Variants in PLXDC2 observed in about 807,000 individuals in gnomAD.
PLXDC2 encodes plexin domain containing 2, also known as plexin domain-containing protein 2.
In PLXDC2, 40 loss-of-function variants were observed where a neutral mutation model predicts 68.9. The ratio of observed to expected loss-of-function variants is 0.58; its 90% CI spans 0.45 to 0.76. The LOEUF (loss-of-function observed/expected upper bound fraction) is 0.76. Ranked by LOEUF, PLXDC2 falls within the 30% of genes least tolerant of loss-of-function variation. PLXDC2 has a pLI of 0.00. For missense variants in PLXDC2, 644 were observed against 661.9 expected, an observed-to-expected ratio of 0.97 and a Z score of 0.30; for synonymous variants, 243 against 234.2, an observed-to-expected ratio of 1.04 and a Z score of -0.34.
chr10:20,030,180 C>G (rs1392695491), intron 2 of PLXDC2, among the ~76,000 whole-genome samples: 3 of 142,174 alleles, frequency 2.1e-5, no homozygotes, highest in African/African-American at 7.7e-5. Flanking sequence ...CCAGACAGCT[C>G]AACGGCTCAG....
intron 4 of PLXDC2, among the ~76,000 whole-genome samples, chr10:20,140,478 A>G (rs1394089288): frequency 6.6e-6 from 1 of 150,606 alleles, no homozygotes; most frequent in African/African-American, 2.5e-5. Context: ...AGAACAGCCA[A>G]AGAAAAGAAG....
At chr10:20,062,760 G>C (rs180977730) in intron 3 of PLXDC2, among the ~76,000 whole-genome samples, 32 of 152,086 alleles carry the variant, frequency 2.1e-4, no homozygotes, top group African/African-American at 7.2e-4. Flanking sequence ...ATGTATCTTG[G>C]AAGAAAATAT....
intron 13 of PLXDC2, among the ~76,000 whole-genome samples, chr10:20,263,557 A>G (rs189941723): frequency 2.1e-4 from 32 of 152,352 alleles, no homozygotes; most frequent in Admixed American, 1.3e-3. Flanking sequence ...AACTGTCAAC[A>G]AAGTAAACAG....
intron 9 of PLXDC2, among the ~76,000 whole-genome samples, chr10:20,187,436 A>G (rs1168575833): frequency 6.6e-6 from 1 of 151,856 alleles, no homozygotes; most frequent in African/African-American, 2.4e-5. Context: ...GATCAAATCA[A>G]TATAATTAAC....
chr10:20,163,964 A>G (rs975996953), intron 6 of PLXDC2, among the ~76,000 whole-genome samples: 1 of 152,196 alleles, frequency 6.6e-6, no homozygotes, highest in East Asian at 1.9e-4. Flanking sequence ...TTAATCAACA[A>G]TGATATTGTC....
intron 1 of PLXDC2, among the ~76,000 whole-genome samples, chr10:19,896,011 G>C (rs1437124208): frequency 6.6e-6 from 1 of 152,184 alleles, no homozygotes; most frequent in African/African-American, 2.4e-5. Flanking sequence ...AGCAGGTCAA[G>C]GTCGGGGGGC....
chr10:19,897,398 C>T (rs975447417), intron 1 of PLXDC2, among the ~76,000 whole-genome samples: 1 of 152,138 alleles, frequency 6.6e-6, no homozygotes, highest in Non-Finnish European at 1.5e-5. Context: ...TGCCACCATG[C>T]CTGGCTAGTT....
chr10:20,102,462 A>G (rs1199693595), intron 4 of PLXDC2, among the ~76,000 whole-genome samples: 1 of 152,208 alleles, frequency 6.6e-6, no homozygotes, highest in East Asian at 1.9e-4. Context: ...CATAAATCTA[A>G]TCACTCCTTT....
intron 1 of PLXDC2, among the ~76,000 whole-genome samples, chr10:19,856,066 G>A (rs1837206453): frequency 6.6e-6 from 1 of 152,152 alleles, no homozygotes; most frequent in Admixed American, 6.5e-5. Context: ...CTGCACTCCA[G>A]GCTGGGTGAT....
intron 4 of PLXDC2, among the ~76,000 whole-genome samples, chr10:20,070,156 A>C (rs1255011677): frequency 6.6e-6 from 1 of 152,232 alleles, no homozygotes; most frequent in Non-Finnish European, 1.5e-5. Flanking sequence ...TTGGAAAAGT[A>C]GGTTGGGACA....
chr10:19,914,345 T>A (rs1833329338), intron 1 of PLXDC2, among the ~76,000 whole-genome samples: 1 of 152,194 alleles, frequency 6.6e-6, no homozygotes, highest in African/African-American at 2.4e-5. Context: ...GGATTCCACT[T>A]CATTACCATA....
chr10:19,858,586 C>G (rs1032879620), intron 1 of PLXDC2, among the ~76,000 whole-genome samples: 2 of 152,168 alleles, frequency 1.3e-5, no homozygotes, highest in Non-Finnish European at 2.9e-5. Context: ...GTTTAGATTT[C>G]TGTCTTCTTA....
At chr10:20,169,858 G>A (rs1834424294) in intron 7 of PLXDC2, among the ~76,000 whole-genome samples, 2 of 152,300 alleles carry the variant, frequency 1.3e-5, no homozygotes, top group South Asian at 4.1e-4. Flanking sequence ...TCCAAGTTAT[G>A]ACAGTGACTA....
At position 20,228,413 on chromosome 10, in the gene PLXDC2, T is replaced by G. The variant is rs533223020; in HGVS notation, c.1312+9311T>G. On this transcript the variant is annotated intron_variant, in intron 12 of 13. Transcript: ENST00000377252. ...CTGTCTCTACAAAAAAATACATAAA[T>G]TAGCAAGACATGGTGGCACACACCT... Among the ~76,000 whole-genome samples, 3 of 151,866 alleles carry G rather than the reference T, an allele frequency of 2.0e-5. No homozygotes were observed. The South Asian group carries it at 6.3e-4, about 32-fold the overall frequency.
intron 4 of PLXDC2, among the ~76,000 whole-genome samples, chr10:20,118,133 CACACAG>C (rs765251850): frequency 6.9e-4 from 80 of 116,646 alleles, no homozygotes; most frequent in African/African-American, 2.0e-3. Flanking sequence ...CACACACACA[CACACAG>C]ACACACACAC....
At chr10:20,247,252 G>T (rs1835609135) in intron 13 of PLXDC2, among the ~76,000 whole-genome samples, 1 of 147,252 alleles carries the variant, frequency 6.8e-6, no homozygotes, top group Admixed American at 6.9e-5. Context: ...TTGAGCCCAG[G>T]AGTTTGGGAC....
At chr10:20,129,511 C>T (rs1289045591) in intron 4 of PLXDC2, among the ~76,000 whole-genome samples, 2 of 107,108 alleles carry the variant, frequency 1.9e-5, no homozygotes, top group African/African-American at 6.5e-5. Flanking sequence ...AGGGGTCATC[C>T]CATATATACA....
chr10:20,106,819 C>G (rs115935925), intron 4 of PLXDC2, among the ~76,000 whole-genome samples: 1 of 151,878 alleles, frequency 6.6e-6, no homozygotes, highest in Non-Finnish European at 1.5e-5. Flanking sequence ...ATACTATATA[C>G]CACATATGTT....
chr10:20,056,542 C>T (rs578140873), intron 3 of PLXDC2, among the ~76,000 whole-genome samples: 36 of 152,196 alleles, frequency 2.4e-4, no homozygotes, highest in Non-Finnish European at 1.0e-4. Context: ...ATTGAATCTA[C>T]CCTTACTGTT....
Sources: gnomAD v4.1 joint callset for allele counts (sites outside exome capture counted in the v4.1 genomes callset) on GRCh38, gnomAD v4.1.1 for gene constraint, MANE v1.5 for transcripts, NCBI Gene and HGNC (gene_info 2026-07-23, HGNC 2026-07-21) for gene names.